The following SLC9A6 variants were observed in gnomAD, a reference collection of about 807,000 sequenced individuals.
SLC9A6 encodes solute carrier family 9 member A6.
A neutral mutation model predicts 45.3 loss-of-function variants in SLC9A6; 6 were observed. That is an observed-to-expected ratio of 0.13 (90% CI 0.07 to 0.26). The LOEUF is 0.26. Ranked by LOEUF, SLC9A6 falls within the 10% of genes least tolerant of loss-of-function variation. The pLI, the probability that SLC9A6 is intolerant of heterozygous loss-of-function variation, is 1.00. For missense variants in SLC9A6, 278 were observed against 503.7 expected (o/e 0.55, Z 4.29); for synonymous variants, 191 against 187.7 (o/e 1.02, Z -0.14).
Position 136,046,525 on chromosome X carries a change from A to C in SLC9A6, c.*1801A>C, listed in dbSNP as rs931082675. 2 of 112,887 alleles carry C rather than the reference A, an allele frequency of 1.8e-5. No individual in the cohort carries two copies. Among genetic ancestry groups the C allele is most frequent in the African/African-American group, 6.5e-5 (2 of 30,931 alleles). The allele number at this position is 112,887 out of a possible 1,213,427, so 9.3% of individuals were successfully genotyped here. A position where few individuals can be genotyped will look rare whatever the true frequency, so the allele number is the denominator to read the frequency against. ...CCCACAAAGTTATTCAAGTTGTAAA[A>C]GGTTATACAATAATTTAACAACTAC... On this transcript the variant is annotated 3_prime_UTR_variant, in exon 18 of 18. Coordinates refer to ENST00000630721, the MANE Select transcript of SLC9A6 (RefSeq NM_001379110.1).
At chrX:135,973,929 C>T, upstream of SLC9A6, 1 of 1,127,474 alleles carries the variant, frequency 8.9e-7, no homozygotes, top group Non-Finnish European at 1.2e-6. Flanking sequence ...CTAGGAGGGC[C>T]GGAGCCCAAC....
intron 6 of SLC9A6, among the ~76,000 whole-genome samples, chrX:136,000,599 A>G (rs1556617241): frequency 8.9e-6 from 1 of 112,485 alleles, no homozygotes; most frequent in Non-Finnish European, 1.9e-5. Context: ...GAATAGCCCA[A>G]GCAAATATCT....
chrX:135,974,757 G>A (rs782260346), exon 1 of SLC9A6: 1 of 338,601 alleles, frequency 3.0e-6, no homozygotes, highest in African/African-American at 2.7e-5. Flanking sequence ...CTTGGCTCGC[G>A]GGAAGTGCTC....
intron 13 of SLC9A6, among the ~76,000 whole-genome samples, chrX:136,026,196 T>A (rs2071222885): frequency 9.0e-6 from 1 of 111,670 alleles, no homozygotes; most frequent in Admixed American, 9.5e-5. Context: ...ATTTTAAGCT[T>A]TTCTTCCCTC....
intron 7 of SLC9A6, among the ~76,000 whole-genome samples, chrX:136,009,020 G>A (rs781839644): frequency 1.8e-5 from 2 of 111,982 alleles, no homozygotes; most frequent in Non-Finnish European, 3.8e-5. Flanking sequence ...TAGGTATTTT[G>A]TTCCAGAGAG....
At chrX:135,986,711 T>C (rs2089345280) in intron 2 of SLC9A6, among the ~76,000 whole-genome samples, 1 of 110,726 alleles carries the variant, frequency 9.0e-6, no homozygotes, top group African/African-American at 3.3e-5. Flanking sequence ...ATTATTATTA[T>C]TATTATTATT....
At chrX:136,007,002 G>T (rs552244049) in intron 7 of SLC9A6, among the ~76,000 whole-genome samples, 1 of 110,723 alleles carries the variant, frequency 9.0e-6, no homozygotes, top group South Asian at 3.9e-4. Flanking sequence ...GAGTAGCTGG[G>T]ATTACAGGTG....
At chrX:136,030,508 G>T (rs183294217) in intron 15 of SLC9A6, 3,113 of 239,227 alleles carry the variant, frequency 0.013, 23 homozygotes, top group South Asian at 0.019. Flanking sequence ...GCGCATGAAG[G>T]CTTGTCTCTG....
chrX:136,036,042 G>T (rs1556621786), intron 16 of SLC9A6, among the ~76,000 whole-genome samples: 1 of 110,139 alleles, frequency 9.1e-6, no homozygotes, highest in East Asian at 2.8e-4. Flanking sequence ...AATTATAGGA[G>T]TGAGCCACTT....
In SLC9A6 at chrX:136,011,493, C is replaced by T. The variant is rs782086038; in HGVS notation, c.885+910C>T. 6.3e-5 allele frequency among the ~76,000 whole-genome samples: 7 copies of T among 110,713 alleles called. No individual in the cohort carries two copies. In the South Asian group the frequency reaches 2.7e-3, roughly 43 times the overall value. ...CTGACGTCAAGTGATCCACCCACCT[C>T]GGCCTCCCAAAGTGCTGGGATTACA... On this transcript the variant is annotated intron_variant, in intron 8 of 17. Coordinates refer to ENST00000630721, the MANE Select transcript of SLC9A6 (RefSeq NM_001379110.1).
At position 135,994,867 on chromosome X, in the gene SLC9A6, A is replaced by G. The variant is rs1406781654; in HGVS notation, c.251A>G (p.Gln84Arg). 2 of 1,209,580 alleles carry G rather than the reference A, an allele frequency of 1.7e-6. No homozygotes were observed. The highest frequency in any genetic ancestry group is 3.5e-5 in the South Asian group (2 of 56,981). ...VNNVTLSCEVQSSPTTLLVNV... is the reference protein window; with the variant it reads ...VNNVTLSCEVRSSPTTLLVNV... ...AATGTGACCCTGAGCTGTGAAGTGC[A>G]GTCAAGTCCAACTACCTTACTGGTA... The change falls in exon 3 of 18, where the codon CAG (glutamine) becomes CGG (arginine). Residue 84 changes from glutamine (Q) to arginine (R), a missense_variant. Coordinates refer to ENST00000630721, the MANE Select transcript of SLC9A6 (RefSeq NM_001379110.1).
chrX:136,016,355 A>T (rs2071019885), intron 10 of SLC9A6, among the ~76,000 whole-genome samples: 1 of 109,894 alleles, frequency 9.1e-6, no homozygotes, highest in Non-Finnish European at 1.9e-5. Context: ...AGTAGCAGGG[A>T]CACAGGAACA....
In SLC9A6 at chrX:136,011,758, C is replaced by T. The variant is rs146737863; in HGVS notation, c.885+1175C>T. ...AGTGTAGGAAATTGGAGGGTGGGGA[C>T]GGTAGGAAAGAGGAGTGGGACTAGA... On this transcript the variant is annotated intron_variant, in intron 8 of 17. Coordinates refer to ENST00000630721, the MANE Select transcript of SLC9A6 (RefSeq NM_001379110.1). 5.2e-4 allele frequency among the ~76,000 whole-genome samples: 58 copies of T among 111,203 alleles called. No homozygotes were observed. The East Asian group carries it at 0.015, about 29-fold the overall frequency.
rs782442071 is a variant in SLC9A6 at position 136,044,546 on chromosome X, C to T, written c.1862C>T (p.Pro621Leu). The T allele has an allele frequency of 3.8e-5, 46 of 1,208,316 alleles. No individual in the cohort carries two copies. The highest frequency in any genetic ancestry group is 4.7e-5 in the Non-Finnish European group (42 of 893,997). Residue 621 changes from proline (P) to leucine (L), a missense_variant, in exon 18 of 18, where the codon CCG becomes CTG. This residue lies in a region of SLC9A6 where 91 missense variants were observed against 125.1 expected (regional missense o/e 0.73). Transcript: ENST00000630721. ...TYGDSTVNTE[P>L]ATSSAPRRFM... is the part of the protein sequence containing the mutation. ...GGAGATTCTACTGTGAACACTGAAC[C>T]GGCCACATCCAGCGCCCCAAGGAGA... is the stretch of plus-strand genomic sequence containing the variant.
At chrX:135,974,003 A>G, upstream of SLC9A6, 1 of 780,619 alleles carries the variant, frequency 1.3e-6, no homozygotes, top group Non-Finnish European at 1.7e-6. Flanking sequence ...GGCGCCGGCA[A>G]ATGGGGGCAG....
intron 16 of SLC9A6, among the ~76,000 whole-genome samples, chrX:136,033,915 G>A (rs2071370621): frequency 8.9e-6 from 1 of 111,836 alleles, no homozygotes; most frequent in African/African-American, 3.2e-5. Flanking sequence ...ATGCGATAAT[G>A]TTCAATACTG....
intron 16 of SLC9A6, among the ~76,000 whole-genome samples, chrX:136,036,107 T>G (rs2071409347): frequency 9.0e-6 from 1 of 110,892 alleles, no homozygotes; most frequent in Non-Finnish European, 1.9e-5. Flanking sequence ...TTTTCCAGAG[T>G]GATTGCAACC....
chrX:136,019,074 A>T (rs1556619621), intron 11 of SLC9A6, among the ~76,000 whole-genome samples: 2 of 111,789 alleles, frequency 1.8e-5, no homozygotes, highest in African/African-American at 6.5e-5. Flanking sequence ...TTAGGAATTA[A>T]AATTCCTCAA....
chrX:136,018,891 C>CA (rs1313306269), intron 11 of SLC9A6, among the ~76,000 whole-genome samples: 4 of 108,542 alleles, frequency 3.7e-5, no homozygotes, highest in East Asian at 2.9e-4. Context: ...GAACTTTAGG[C>CA]AAAAAAGATA....
Sources: gnomAD v4.1 joint callset for allele counts (sites outside exome capture counted in the v4.1 genomes callset) on GRCh38, gnomAD v4.1.1 for gene constraint, gnomAD v4.1.1 regional missense constraint, MANE v1.5 for transcripts, NCBI Gene and HGNC (gene_info 2026-07-23, HGNC 2026-07-21) for gene names.